DOCK9: variants seen among roughly 807,000 people sequenced by gnomAD.
The protein encoded by DOCK9 is dedicator of cytokinesis protein 9.
Under a neutral mutation model 263.3 loss-of-function variants are expected in DOCK9, and 89 were observed. The observed-to-expected ratio is 0.34, with a 90% CI of 0.28 to 0.40. DOCK9 has a LOEUF of 0.40. Among genes scored for constraint, DOCK9 ranks in the 10% least tolerant of loss-of-function variants. The pLI is 1.00. For synonymous variants in DOCK9, 976 were observed against 973.1 expected (o/e 1.00, Z -0.06); for missense variants, 2,140 against 2,603.4 (o/e 0.82, Z 3.87).
At position 98,863,104 on chromosome 13, in the gene DOCK9, T is replaced by A. The variant is rs752448425; in HGVS notation, c.3494A>T (p.Tyr1165Phe). 2 of 1,608,960 alleles carry A rather than the reference T, an allele frequency of 1.2e-6. No homozygotes were observed. The highest frequency in any genetic ancestry group is 1.3e-5 in the African/African-American group (1 of 74,856). Residue 1165 changes from tyrosine (Y) to phenylalanine (F), a missense_variant, in exon 32 of 53, where the codon TAC (tyrosine) becomes TTC (phenylalanine). Coordinates refer to ENST00000682017, the MANE Select transcript of DOCK9 (RefSeq NM_001366683.2). ...AATCAGCAGACCAAACAGAGGCAGG[T>A]AGAGGGTGGCTATCCTTGCCTGATG... Reference protein sequence around the residue: ...RSHQARIATLYLPLFGLLIEN... With the variant: ...RSHQARIATLFLPLFGLLIEN...
intron 13 of DOCK9, 66 bp from the exon 14 acceptor site, chr13:98,898,327 C>A (rs2047745602): frequency 8.0e-7 from 1 of 1,254,980 alleles, no homozygotes; most frequent in Non-Finnish European, 1.1e-6. Flanking sequence ...ACCTCAAGAG[C>A]CATCCTTACA....
chr13:98,956,788 T>C (rs576110073), intron 1 of DOCK9, among the ~76,000 whole-genome samples: 3 of 152,234 alleles, frequency 2.0e-5, no homozygotes, highest in Non-Finnish European at 2.9e-5. Flanking sequence ...ATTATATCAA[T>C]AGTTACTAGA....
At chr13:98,866,922 T>G in intron 30 of DOCK9, 1 of 235,986 alleles carries the variant, frequency 4.2e-6, no homozygotes, top group Non-Finnish European at 8.5e-6. Context: ...ATTCACTAAT[T>G]TATGGCAAGT....
chr13:98,807,379 C>T (rs2090850802), intron 48 of DOCK9, among the ~76,000 whole-genome samples: 2 of 152,204 alleles, frequency 1.3e-5, no homozygotes, highest in South Asian at 4.1e-4. Flanking sequence ...GGGCCTCATT[C>T]TGTCAGAGTT....
At chr13:98,953,735 A>C (rs72651846) in intron 2 of DOCK9, among the ~76,000 whole-genome samples, 1 of 152,268 alleles carries the variant, frequency 6.6e-6, no homozygotes, top group Non-Finnish European at 1.5e-5. Context: ...GGCAAAAGGC[A>C]TCATTCAGAG....
At position 99,060,029 on chromosome 13, in the gene DOCK9, T is replaced by A. The variant is rs138091751; in HGVS notation, c.129+26194A>T. On this transcript the variant is annotated intron_variant, in intron 1 of 32. Transcript: ENST00000427887. ...ATAATATTCTATTGGGTGGATATAC[T>A]ACACATCAGTTACAGACATTTGATT... Among the ~76,000 whole-genome samples, 531 of 149,018 alleles carry A rather than the reference T, an allele frequency of 3.6e-3. 2 individuals are homozygous for A. The highest frequency in any genetic ancestry group is 0.016 in the South Asian group (74 of 4,622).
intron 4 of DOCK9, among the ~76,000 whole-genome samples, chr13:98,924,061 G>A (rs1287732235): frequency 2.0e-5 from 3 of 152,152 alleles, no homozygotes; most frequent in African/African-American, 7.2e-5. Context: ...GTAAGTATAC[G>A]ACATGACATA....
chr13:98,868,131 T>C (rs2094090297), intron 28 of DOCK9, 100 bp downstream of exon 28: 4 of 1,545,334 alleles, frequency 2.6e-6, no homozygotes, highest in East Asian at 4.5e-5. Flanking sequence ...GCCATCAACA[T>C]TGCCAGAGCA....
intron 1 of DOCK9, among the ~76,000 whole-genome samples, chr13:99,079,185 T>C (rs1253743338): frequency 2.0e-5 from 3 of 152,386 alleles, no homozygotes; most frequent in Admixed American, 2.0e-4. Context: ...CTTAACACTA[T>C]GACCAAGAGA....
chr13:98,996,200 C>T (rs903391843), intron 1 of DOCK9, among the ~76,000 whole-genome samples: 4 of 152,306 alleles, frequency 2.6e-5, no homozygotes, highest in East Asian at 1.9e-4. Context: ...AAGTGAATGT[C>T]ATCACCTAAA....
intron 1 of DOCK9, among the ~76,000 whole-genome samples, chr13:99,079,910 C>T (rs906742033): frequency 1.3e-5 from 2 of 152,146 alleles, no homozygotes; most frequent in African/African-American, 2.4e-5. Flanking sequence ...TGTGGTGGCA[C>T]ACGCCTGTAA....
rs546077583 is a variant in DOCK9, at chr13:98,824,578, C to T, written c.5024-74G>A. ...GGTGAACCCTGAGGGTTTTTCCTGC[C>T]CTGTGTGTTTCTGTGTTGAATGAAA... is the stretch of plus-strand genomic sequence containing the variant. On this transcript the variant is annotated intron_variant, in intron 44 of 52. Coordinates refer to ENST00000682017, the MANE Select transcript of DOCK9 (RefSeq NM_001366683.2). The T allele has an allele frequency of 1.3e-4, 171 of 1,336,596 alleles. No homozygotes were observed. In the Middle Eastern group the frequency reaches 4.1e-3, roughly 32 times the overall value. 82.8% of individuals were successfully genotyped at this position (1,336,596 alleles called of 1,614,324 possible).
At chr13:99,039,570 C>T (rs935552577) in intron 1 of DOCK9, among the ~76,000 whole-genome samples, 2 of 152,084 alleles carry the variant, frequency 1.3e-5, no homozygotes, top group African/African-American at 2.4e-5. Flanking sequence ...CAAAATGATG[C>T]CATTGGGTTA....
Position 98,798,229 on chromosome 13 carries a change from G to A in DOCK9, c.5917-740C>T, listed in dbSNP as rs142656361. ...TCTGAGACAGCCTGGGGAAGAACGT[G>A]ACTATGTGGTCACTGCTTGATATTT... On this transcript the variant is annotated intron_variant, in intron 50 of 52. Transcript: ENST00000682017. Among the ~76,000 whole-genome samples the A allele has an allele frequency of 6.0e-3, 913 of 152,330 alleles. 9 individuals are homozygous for A. Among genetic ancestry groups the A allele is most frequent in the African/African-American group, 0.021 (876 of 41,564 alleles).
intron 14 of DOCK9, 82 bp downstream of exon 14, chr13:98,898,097 T>A (rs2296999): frequency 0.19 from 179,735 of 962,432 alleles, 17,647 homozygotes; most frequent in Middle Eastern, 0.28. Context: ...TCTTTGTCTC[T>A]GAACAACAAA....
chr13:98,837,040 A>G (rs190113951), intron 39 of DOCK9, among the ~76,000 whole-genome samples: 1 of 152,126 alleles, frequency 6.6e-6, no homozygotes, highest in Non-Finnish European at 1.5e-5. Context: ...TTCATTTTCT[A>G]TCTCCAAAAC....
chr13:98,999,212 T>A (rs1362674549), intron 1 of DOCK9, among the ~76,000 whole-genome samples: 6 of 152,182 alleles, frequency 3.9e-5, no homozygotes, highest in Middle Eastern at 6.8e-3. Context: ...CTTGTTCACA[T>A]GTTCAGAGGG....
intron 1 of DOCK9, among the ~76,000 whole-genome samples, chr13:98,972,233 A>T (rs1343120556): frequency 6.6e-6 from 1 of 152,082 alleles, no homozygotes; most frequent in Non-Finnish European, 1.5e-5. Context: ...GGCATAAAAC[A>T]GTTCCTGGCA....
chr13:98,908,435 T>C (rs866152157), intron 9 of DOCK9, among the ~76,000 whole-genome samples: 3 of 152,152 alleles, frequency 2.0e-5, no homozygotes, highest in Non-Finnish European at 2.9e-5. Context: ...TTGTGTACTG[T>C]TTGTAGAGGC....
Sources: allele counts gnomAD v4.1 joint callset (sites outside exome capture counted in the v4.1 genomes callset), GRCh38; gene constraint gnomAD v4.1.1; transcripts MANE v1.5; gene names NCBI Gene and HGNC (gene_info 2026-07-23, HGNC 2026-07-21).